The following MTCL3 variants were observed in gnomAD, a reference collection of about 807,000 sequenced individuals.
The protein encoded by MTCL3 is microtubule cross-linking factor 3.
chr6:127,515,110 G>T, the MTCL3 span: 5 of 1,382,624 alleles, frequency 3.6e-6, no homozygotes, highest in Non-Finnish European at 5.1e-6. This position sits in a 1 kb window ranked among gnomAD's most constrained non-coding sequence, Gnocchi z 4.3. Flanking sequence ...GACACACACC[G>T]TACACACCCC....
At chr6:127,475,192 C>A in the MTCL3 span, 1 of 1,326,130 alleles carries the variant, frequency 7.5e-7, no homozygotes. The surrounding 1 kb of genome is among the most constrained non-coding windows in gnomAD (Gnocchi z 7.3). Context: ...GGGCTTCCCT[C>A]AAGCGGGGCG....
chr6:127,486,954 T>C, the MTCL3 span, among the ~76,000 whole-genome samples: 1 of 152,156 alleles, frequency 6.6e-6, no homozygotes, highest in Non-Finnish European at 1.5e-5. Context: ...ATGCTGTTGA[T>C]AAAATTAAAG....
the MTCL3 span, among the ~76,000 whole-genome samples, chr6:127,503,682 T>A: frequency 1.3e-5 from 2 of 152,138 alleles, no homozygotes; most frequent in African/African-American, 4.8e-5. Flanking sequence ...AGACCTGTTG[T>A]TTCTGGGGGA....
chr6:127,488,011 G>A, the MTCL3 span, among the ~76,000 whole-genome samples: 1 of 152,158 alleles, frequency 6.6e-6, no homozygotes, highest in Non-Finnish European at 1.5e-5. Flanking sequence ...CCCACTCTAT[G>A]TGGTCACCCC....
At chr6:127,474,111 G>T in the MTCL3 span, among the ~76,000 whole-genome samples, 1 of 151,632 alleles carries the variant, frequency 6.6e-6, no homozygotes, top group Non-Finnish European at 1.5e-5. Context: ...ACAACTGAGA[G>T]TGATTTTCTC....
At chr6:127,495,023 C>T in the MTCL3 span, among the ~76,000 whole-genome samples, 1 of 151,920 alleles carries the variant, frequency 6.6e-6, no homozygotes, top group African/African-American at 2.4e-5. Context: ...TGGTGAGACC[C>T]CGTCTCTACT....
chr6:127,511,152 G>A, the MTCL3 span, among the ~76,000 whole-genome samples: 1 of 152,142 alleles, frequency 6.6e-6, no homozygotes, highest in East Asian at 1.9e-4. Flanking sequence ...AGCCATAGAG[G>A]GAGGCCTGGA....
the MTCL3 span, chr6:127,515,972 A>G: frequency 6.3e-7 from 1 of 1,598,634 alleles, no homozygotes; most frequent in Non-Finnish European, 8.5e-7. This position sits in a 1 kb window ranked among gnomAD's most constrained non-coding sequence, Gnocchi z 4.3. Flanking sequence ...GGAGAAGGGG[A>G]GGCCCCCTCC....
chr6:127,517,391 G>T, the MTCL3 span: 1 of 152,140 alleles, frequency 6.6e-6, no homozygotes, highest in African/African-American at 2.4e-5. Flanking sequence ...GTCTATATGG[G>T]TTAGTTATTA....
chr6:127,485,453 T>A, the MTCL3 span, among the ~76,000 whole-genome samples: 1 of 152,156 alleles, frequency 6.6e-6, no homozygotes, highest in Non-Finnish European at 1.5e-5. Flanking sequence ...CAGGTCAAAT[T>A]ATTGTCCTAG....
chr6:127,484,374 T>G, the MTCL3 span, among the ~76,000 whole-genome samples: 1 of 152,186 alleles, frequency 6.6e-6, no homozygotes, highest in East Asian at 1.9e-4. Flanking sequence ...AAGTTCTTTC[T>G]GTTGCTTGTA....
At chr6:127,500,185 A>G in the MTCL3 span, among the ~76,000 whole-genome samples, 1 of 152,208 alleles carries the variant, frequency 6.6e-6, no homozygotes, top group South Asian at 2.1e-4. Context: ...ATGAAGAAAA[A>G]TATCCATAAA....
At chr6:127,476,502 G>T in the MTCL3 span, 12 of 1,486,614 alleles carry the variant, frequency 8.1e-6, no homozygotes, top group Non-Finnish European at 9.9e-6. The surrounding 1 kb of genome is among the most constrained non-coding windows in gnomAD (Gnocchi z 4.4). Context: ...AAGGATAGGA[G>T]ATCATTTTTA....
At chr6:127,475,984 T>C in the MTCL3 span, 161 of 1,610,932 alleles carry the variant, frequency 1.0e-4, no homozygotes, top group Non-Finnish European at 1.3e-4. The surrounding 1 kb of genome is among the most constrained non-coding windows in gnomAD (Gnocchi z 7.3). Flanking sequence ...GGACTTGTAC[T>C]TGTACTTGTT....
chr6:127,509,379 C>T, the MTCL3 span, among the ~76,000 whole-genome samples: 1 of 152,138 alleles, frequency 6.6e-6, no homozygotes, highest in Non-Finnish European at 1.5e-5. Context: ...TGTGCAGCCA[C>T]CAGTCCTGAG....
At chr6:127,513,775 G>A in the MTCL3 span, among the ~76,000 whole-genome samples, 6 of 152,024 alleles carry the variant, frequency 3.9e-5, no homozygotes, top group Non-Finnish European at 8.8e-5. Flanking sequence ...TTCCAGGCCT[G>A]GGCACTTAAC....
chr6:127,488,482 T>C, the MTCL3 span, among the ~76,000 whole-genome samples: 1 of 152,190 alleles, frequency 6.6e-6, no homozygotes, highest in Non-Finnish European at 1.5e-5. Flanking sequence ...CTTAGAAATA[T>C]ACCTGACACA....
the MTCL3 span, among the ~76,000 whole-genome samples, chr6:127,510,501 T>C: frequency 6.6e-6 from 1 of 152,232 alleles, no homozygotes; most frequent in Non-Finnish European, 1.5e-5. Context: ...GGCTAATGGA[T>C]AGACAGTCTA....
At chr6:127,497,299 G>A in the MTCL3 span, among the ~76,000 whole-genome samples, 1 of 152,144 alleles carries the variant, frequency 6.6e-6, no homozygotes, top group African/African-American at 2.4e-5. Flanking sequence ...GTAGCTCTCT[G>A]GTGGTTAAAT....
Sources: allele counts gnomAD v4.1 joint callset (sites outside exome capture counted in the v4.1 genomes callset), GRCh38; gene constraint gnomAD v4.1.1; non-coding constraint Gnocchi (gnomAD v3.1); transcripts MANE v1.5; gene names NCBI Gene and HGNC (gene_info 2026-07-23, HGNC 2026-07-21).